Variants in CEP63 observed in about 807,000 individuals in gnomAD.
CEP63 encodes centrosomal protein of 63 kDa.
CEP63 carries 84 observed loss-of-function variants against 89.1 expected under a neutral mutation model. That is an observed-to-expected ratio of 0.94 (90% CI 0.79 to 1.13). CEP63 has a LOEUF of 1.13. Ranked by LOEUF, CEP63 falls within the 50% of genes most tolerant of loss-of-function variation. The probability of loss-of-function intolerance (pLI) is 0.00; values close to 1 mark genes in which losing one functional copy is unlikely to be tolerated. For synonymous variants in CEP63, 267 were observed against 272.5 expected (o/e 0.98, Z 0.20); for missense variants, 838 against 813.3 (o/e 1.03, Z -0.37).
downstream of CEP63, among the ~76,000 whole-genome samples, chr3:134,576,704 A>C (rs1958220925): frequency 6.6e-6 from 1 of 152,174 alleles, no homozygotes; most frequent in African/African-American, 2.4e-5. Context: ...AATGCTGTAG[A>C]TGGAACTCCG....
At chr3:134,524,502 A>G (rs1258096968) in intron 3 of CEP63, among the ~76,000 whole-genome samples, 3 of 151,990 alleles carry the variant, frequency 2.0e-5, no homozygotes, top group Admixed American at 6.6e-5. Flanking sequence ...ATTCAGTATG[A>G]TATTGGCTTT....
chr3:134,760,270 A>G, the CEP63 span, among the ~76,000 whole-genome samples: 1 of 152,032 alleles, frequency 6.6e-6, no homozygotes, highest in African/African-American at 2.4e-5. Context: ...TGTGTTAGCC[A>G]GGATGGTCTC....
At chr3:134,517,318 T>TC (rs779771457) in intron 3 of CEP63, among the ~76,000 whole-genome samples, 5 of 152,160 alleles carry the variant, frequency 3.3e-5, no homozygotes, top group Non-Finnish European at 7.3e-5. Flanking sequence ...AAATCCTCTT[T>TC]CTGTCTTATC....
At chr3:134,717,260 A>T in the CEP63 span, among the ~76,000 whole-genome samples, 2 of 152,222 alleles carry the variant, frequency 1.3e-5, no homozygotes, top group Non-Finnish European at 2.9e-5. Context: ...TTCCATGGCC[A>T]TCCTGACTGT....
rs761804753 is a variant in CEP63, at chr3:134,558,304, C to A, written c.1630C>A (p.Pro544Thr). 1 of 1,613,762 alleles carries A rather than the reference C, an allele frequency of 6.2e-7. No individual in the cohort carries two copies. Among genetic ancestry groups the A allele is most frequent in the Non-Finnish European group, 8.5e-7 (1 of 1,179,828 alleles). ...AAAACAAAATGACAGGATCTTTAAACCAACACACAGCAGAACAACTGAGTT... is the reference window on the plus strand; with the variant it reads ...AAAACAAAATGACAGGATCTTTAAAACAACACACAGCAGAACAACTGAGTT... ...CKKQNDRIFKPTHSRTTEFKN... is the reference protein window; with the variant it reads ...CKKQNDRIFKTTHSRTTEFKN... The change falls in exon 13 of 15, where the codon CCA (proline) becomes ACA (threonine). Residue 544 changes from proline to threonine, a missense_variant. Pro to Thr is a conservative substitution (Grantham distance 38). Transcript: ENST00000675561.
chr3:134,736,915 T>A, the CEP63 span, among the ~76,000 whole-genome samples: 1 of 152,074 alleles, frequency 6.6e-6, no homozygotes. Flanking sequence ...CAATAATTTT[T>A]AAAAAGTTAC....
At chr3:134,771,599 A>G in the CEP63 span, among the ~76,000 whole-genome samples, 1 of 152,168 alleles carries the variant, frequency 6.6e-6, no homozygotes, top group Admixed American at 6.5e-5. Flanking sequence ...AATGACCAGG[A>G]TAGTGTATGT....
At chr3:134,770,825 C>T in the CEP63 span, among the ~76,000 whole-genome samples, 2 of 152,166 alleles carry the variant, frequency 1.3e-5, no homozygotes, top group East Asian at 3.8e-4. Context: ...AGGCCCACTC[C>T]TGAGTTCTCC....
the CEP63 span, among the ~76,000 whole-genome samples, chr3:134,620,234 G>T: frequency 6.6e-6 from 1 of 152,192 alleles, no homozygotes; most frequent in African/African-American, 2.4e-5. Context: ...AGGTCCCTCA[G>T]GTGGCTCCAA....
At chr3:134,565,632 T>C (rs1456591887), downstream of CEP63, among the ~76,000 whole-genome samples, 6 of 151,786 alleles carry the variant, frequency 4.0e-5, no homozygotes, top group African/African-American at 1.2e-4. Context: ...AGAGGGAAAA[T>C]GAGGGCTGTA....
chr3:134,663,772 C>T, the CEP63 span, among the ~76,000 whole-genome samples: 1 of 152,240 alleles, frequency 6.6e-6, no homozygotes, highest in African/African-American at 2.4e-5. Context: ...GTTACCTCAG[C>T]TGTCCTTCCT....
chr3:134,589,475 T>C (rs1958555445), downstream of CEP63, among the ~76,000 whole-genome samples: 2 of 151,902 alleles, frequency 1.3e-5, no homozygotes, highest in Non-Finnish European at 2.9e-5. Context: ...ACTACCATCA[T>C]AACTTCTACC....
chr3:134,667,537 C>G, the CEP63 span, among the ~76,000 whole-genome samples: 2 of 152,228 alleles, frequency 1.3e-5, no homozygotes, highest in Non-Finnish European at 2.9e-5. Context: ...TTATCCCCTC[C>G]TTCTCATCTC....
At chr3:134,512,345 C>G (rs926160492) in intron 3 of CEP63, among the ~76,000 whole-genome samples, 22 of 152,302 alleles carry the variant, frequency 1.4e-4, no homozygotes, top group Middle Eastern at 3.4e-3. Context: ...AATGGACATT[C>G]CTGCTGTTAC....
chr3:134,778,243 G>C, the CEP63 span, among the ~76,000 whole-genome samples: 1 of 151,346 alleles, frequency 6.6e-6, no homozygotes, highest in African/African-American at 2.4e-5. Context: ...GATTACAGAC[G>C]TGCACCACCA....
At chr3:134,734,920 GA>G in the CEP63 span, among the ~76,000 whole-genome samples, 1 of 152,150 alleles carries the variant, frequency 6.6e-6, no homozygotes, top group Admixed American at 6.5e-5. Context: ...TGCTCTGCCA[GA>G]TAATCATTTT....
At chr3:134,669,752 C>G in the CEP63 span, among the ~76,000 whole-genome samples, 6 of 152,042 alleles carry the variant, frequency 3.9e-5, no homozygotes, top group African/African-American at 1.4e-4. Context: ...AAAAATAGAG[C>G]CAGTACATGT....
intron 6 of CEP63, 99 bp downstream of exon 6, chr3:134,537,367 G>T (rs1950971965): frequency 1.1e-5 from 9 of 788,700 alleles, no homozygotes; most frequent in Non-Finnish European, 1.3e-5. Context: ...GCCTCTTTCA[G>T]CTTCTCTCCA....
At chr3:134,625,653 G>A in the CEP63 span, among the ~76,000 whole-genome samples, 2 of 152,194 alleles carry the variant, frequency 1.3e-5, no homozygotes, top group East Asian at 1.9e-4. Flanking sequence ...TGGAAAGGCC[G>A]GGCCATCTGG....
Sources: allele counts gnomAD v4.1 joint callset (sites outside exome capture counted in the v4.1 genomes callset), GRCh38; gene constraint gnomAD v4.1.1; transcripts MANE v1.5; gene names NCBI Gene and HGNC (gene_info 2026-07-23, HGNC 2026-07-21).